The following PREX2 variants were observed in gnomAD, a reference collection of about 807,000 sequenced individuals.
PREX2 encodes the protein phosphatidylinositol 3,4,5-trisphosphate-dependent Rac exchanger 2 protein.
PREX2 carries 107 observed loss-of-function variants against 203.2 expected under a neutral mutation model. The observed-to-expected ratio is 0.53, with a 90% confidence interval of 0.45 to 0.62. The LOEUF is 0.62. PREX2 is among the 20% of genes least tolerant of loss of function. The pLI, the probability that PREX2 is intolerant of heterozygous loss-of-function variation, is 0.00. For synonymous variants in PREX2, 672 were observed against 663.6 expected (o/e 1.01, Z -0.19); for missense variants, 1,777 against 1,955.9 (o/e 0.91, Z 1.72).
chr8:68,079,649 G>A (rs1169702484), intron 15 of PREX2, among the ~76,000 whole-genome samples: 1 of 110,378 alleles, frequency 9.1e-6, no homozygotes, highest in Non-Finnish European at 2.1e-5. Context: ...ATAAGAAATA[G>A]ATAACTTTTT....
chr8:68,192,316 C>A lies in PREX2; in HGVS notation c.4414-19C>A. On this transcript the variant is annotated intron_variant, in intron 36 of 39. Transcript: ENST00000288368. ...TACTAAACATGTTGAACTTGACGTT[C>A]ATCACTTTTTTTCTGCAGCTAATGA... 3 of 1,563,722 alleles carry A rather than the reference C, an allele frequency of 1.9e-6. No homozygotes were observed. The highest frequency in any genetic ancestry group is 2.4e-5 in the South Asian group (2 of 84,898).
At chr8:68,101,750 G>C (rs1363253536) in intron 23 of PREX2, among the ~76,000 whole-genome samples, 1 of 152,172 alleles carries the variant, frequency 6.6e-6, no homozygotes, top group Admixed American at 6.6e-5. Context: ...GGCAGATTCT[G>C]GGTGTCAAAC....
chr8:68,032,500 C>T (rs1441296096), intron 6 of PREX2, among the ~76,000 whole-genome samples: 1 of 152,114 alleles, frequency 6.6e-6, no homozygotes, highest in African/African-American at 2.4e-5. Context: ...CAGCTTGGAG[C>T]AGGGCCCAGT....
chr8:68,153,661 A>G (rs897102742), intron 34 of PREX2, among the ~76,000 whole-genome samples: 3 of 152,218 alleles, frequency 2.0e-5, no homozygotes, highest in African/African-American at 7.2e-5. Context: ...ATAACAATAA[A>G]TAAACAAGTT....
intron 1 of PREX2, among the ~76,000 whole-genome samples, chr8:67,985,148 A>T (rs945403185): frequency 6.6e-6 from 1 of 152,154 alleles, no homozygotes; most frequent in Non-Finnish European, 1.5e-5. Flanking sequence ...TATGCTTCCT[A>T]TGTTGATTTC....
chr8:68,199,554 A>G (rs1011939802), intron 37 of PREX2, among the ~76,000 whole-genome samples: 2 of 152,250 alleles, frequency 1.3e-5, no homozygotes, highest in African/African-American at 2.4e-5. Flanking sequence ...TTTGTTAAAA[A>G]AGTGAAATTT....
intron 23 of PREX2, chr8:68,103,489 A>T (rs758607647): frequency 1.9e-6 from 1 of 513,550 alleles, no homozygotes; most frequent in Non-Finnish European, 3.9e-6. Context: ...TCAGCGTACA[A>T]ATATGTTTTA....
chr8:67,953,120 T>G (rs1805400250), intron 1 of PREX2, among the ~76,000 whole-genome samples: 1 of 151,804 alleles, frequency 6.6e-6, no homozygotes, highest in Admixed American at 6.6e-5. Context: ...TAGCAGCTGT[T>G]GGATATTAAA....
At chr8:68,063,203 C>T (rs1323312634) in intron 11 of PREX2, among the ~76,000 whole-genome samples, 1 of 152,058 alleles carries the variant, frequency 6.6e-6, no homozygotes, top group Non-Finnish European at 1.5e-5. Context: ...TTAATAGGAT[C>T]GCATAGATCT....
At chr8:68,032,270 C>T (rs10504414) in intron 6 of PREX2, among the ~76,000 whole-genome samples, 4,962 of 152,178 alleles carry the variant, frequency 0.033, 270 homozygotes, top group African/African-American at 0.11. Context: ...GGAATTTTGC[C>T]ACTTGTTAGG....
chr8:67,965,626 T>C (rs1805749628), intron 1 of PREX2, among the ~76,000 whole-genome samples: 1 of 152,146 alleles, frequency 6.6e-6, no homozygotes, highest in Non-Finnish European at 1.5e-5. Flanking sequence ...AGCATTAATG[T>C]AGTTTAAACA....
chr8:68,038,367 T>A, intron 7 of PREX2, 75 bp downstream of exon 7: 2 of 1,452,674 alleles, frequency 1.4e-6, no homozygotes, highest in East Asian at 2.3e-5. Context: ...CCAGAACTCA[T>A]CTATCCAGCT....
At chr8:68,043,490 A>T (rs1439942725) in intron 7 of PREX2, among the ~76,000 whole-genome samples, 3 of 152,060 alleles carry the variant, frequency 2.0e-5, no homozygotes, top group African/African-American at 7.2e-5. Flanking sequence ...ACTGCACGGG[A>T]TAGGAAGAGG....
intron 37 of PREX2, among the ~76,000 whole-genome samples, chr8:68,211,520 C>G (rs550380211): frequency 5.3e-5 from 8 of 152,160 alleles, no homozygotes; most frequent in Non-Finnish European, 7.3e-5. Context: ...GGCCAGGTAT[C>G]ACACTCATCA....
chr8:68,213,225 G>T (rs998056344), intron 37 of PREX2, among the ~76,000 whole-genome samples: 5 of 152,154 alleles, frequency 3.3e-5, no homozygotes, highest in African/African-American at 1.2e-4. Flanking sequence ...TAACCACAGC[G>T]AATTGAACGC....
At chr8:67,988,729 T>C (rs1360385347) in intron 1 of PREX2, among the ~76,000 whole-genome samples, 1 of 152,114 alleles carries the variant, frequency 6.6e-6, no homozygotes, top group Non-Finnish European at 1.5e-5. Flanking sequence ...GCTCAGCCTT[T>C]TGTGAGAAAG....
intron 38 of PREX2, 145 bp from the exon 39 acceptor site, chr8:68,224,414 G>C (rs1005773230): frequency 1.5e-6 from 1 of 654,040 alleles, no homozygotes. Context: ...AAAATGCTCA[G>C]ACAGCGATGT....
rs1813077137 is a variant in PREX2 at position 68,227,497 on chromosome 8, A to G, written c.4775+2871A>G. ...CTGGAGAGGACATTGTGGACAGTGG[A>G]ATACACTGGTCAAAAGCCAAGGAGA... On this transcript the variant is annotated intron_variant, in intron 39 of 39. Transcript: ENST00000288368. Among the ~76,000 whole-genome samples, 2 of 152,184 alleles carry G rather than the reference A, an allele frequency of 1.3e-5. 1 individual carries two copies. The highest frequency in any genetic ancestry group is 4.1e-4 in the South Asian group (2 of 4,832).
chr8:67,989,218 A>G (rs1212469392), intron 1 of PREX2, among the ~76,000 whole-genome samples: 5 of 152,224 alleles, frequency 3.3e-5, no homozygotes, highest in African/African-American at 1.2e-4. Context: ...TTCCAAATTT[A>G]TATTTAAATA....
Sources: allele counts gnomAD v4.1 joint callset (sites outside exome capture counted in the v4.1 genomes callset), GRCh38; gene constraint gnomAD v4.1.1; transcripts MANE v1.5; gene names NCBI Gene and HGNC (gene_info 2026-07-23, HGNC 2026-07-21).